Variants in DOCK10 observed in about 807,000 individuals in gnomAD.
DOCK10 encodes the protein dedicator of cytokinesis protein 10.
A neutral mutation model predicts 280.1 loss-of-function variants in DOCK10; 145 were observed. That is an observed-to-expected ratio of 0.52 (90% CI 0.45 to 0.59). The LOEUF (loss-of-function observed/expected upper bound fraction) is 0.59. DOCK10 is among the 20% of genes least tolerant of loss of function. DOCK10 has a pLI of 0.00. For synonymous variants in DOCK10, 915 were observed against 942.2 expected, an observed-to-expected ratio of 0.97 and a Z score of 0.53; for missense variants, 2,368 against 2,651.7, an observed-to-expected ratio of 0.89 and a Z score of 2.35.
At chr2:225,007,194 T>G (rs1391157096) in intron 1 of DOCK10, among the ~76,000 whole-genome samples, 2 of 152,190 alleles carry the variant, frequency 1.3e-5, no homozygotes, top group African/African-American at 2.4e-5. Flanking sequence ...ATAATCTTAT[T>G]TCCTTTTCCC....
chr2:224,976,573 T>C (rs1316627513), intron 1 of DOCK10, among the ~76,000 whole-genome samples: 1 of 150,922 alleles, frequency 6.6e-6, no homozygotes, highest in Admixed American at 6.6e-5. Context: ...TTCTCAATCA[T>C]AGTAGTTCTC....
intron 40 of DOCK10, 148 bp downstream of exon 40, chr2:224,801,767 TA>T (rs1457695868): frequency 1.3e-5 from 11 of 843,706 alleles, no homozygotes; most frequent in Non-Finnish European, 2.0e-5. Flanking sequence ...CATTTTTTTT[TA>T]ACCACTCCCT....
chr2:224,806,066 A>G (rs1693373617), intron 34 of DOCK10, 60 bp downstream of exon 34: 7 of 974,040 alleles, frequency 7.2e-6, no homozygotes, highest in East Asian at 2.5e-5. Flanking sequence ...AAGCACAATG[A>G]TATACAATGT....
At chr2:224,930,551 A>T (rs1282219942) in intron 2 of DOCK10, among the ~76,000 whole-genome samples, 2 of 148,722 alleles carry the variant, frequency 1.3e-5, no homozygotes, top group African/African-American at 4.9e-5. Flanking sequence ...CTTCTTTTTC[A>T]TGAATCCATG....
intron 1 of DOCK10, among the ~76,000 whole-genome samples, chr2:224,967,161 G>C (rs1052196428): frequency 4.0e-5 from 6 of 150,308 alleles, no homozygotes; most frequent in African/African-American, 1.2e-4. Flanking sequence ...CTCACTGCAA[G>C]CTCCACCTCC....
rs1559986857 is a variant in DOCK10 at position 225,035,574 on chromosome 2, AT to A, written c.123+6677del. ...TATATATATATATATATATATATAT[AT>A]ATATATATATATAACACTGAATCAG... On this transcript the variant is annotated intron_variant, in intron 1 of 55. Transcript: ENST00000258390. 4.7e-3 allele frequency among the ~76,000 whole-genome samples: 365 copies of A among 78,080 alleles called. 18 individuals are homozygous for A. Among genetic ancestry groups the A allele is most frequent in the African/African-American group, 0.021 (347 of 16,688 alleles). The allele number at this position is 78,080 out of a possible 152,430, so 51.2% of individuals were successfully genotyped here.
intron 3 of DOCK10, among the ~76,000 whole-genome samples, chr2:224,916,398 A>T (rs1701314826): frequency 6.6e-6 from 1 of 152,094 alleles, no homozygotes; most frequent in Non-Finnish European, 1.5e-5. Flanking sequence ...AAAATTAGCC[A>T]GGTGTGATGG....
At chr2:225,032,102 A>T (rs1690093968) in intron 1 of DOCK10, among the ~76,000 whole-genome samples, 1 of 152,180 alleles carries the variant, frequency 6.6e-6, no homozygotes, top group Non-Finnish European at 1.5e-5. Flanking sequence ...AGATGAAAAT[A>T]AGTTTTATTT....
chr2:224,888,561 G>A (rs1366688913), intron 4 of DOCK10, among the ~76,000 whole-genome samples: 1 of 148,952 alleles, frequency 6.7e-6, no homozygotes, highest in South Asian at 2.1e-4. Flanking sequence ...ATGTGTGTTT[G>A]TCTGTGTGTG....
At chr2:224,967,696 G>GATT (rs1354506279) in intron 1 of DOCK10, among the ~76,000 whole-genome samples, 1 of 151,534 alleles carries the variant, frequency 6.6e-6, no homozygotes, top group Admixed American at 6.6e-5. Context: ...TTCTCTTAAT[G>GATT]AGTCAGATGT....
chr2:224,999,830 T>C (rs1706379303), intron 1 of DOCK10, among the ~76,000 whole-genome samples: 1 of 151,694 alleles, frequency 6.6e-6, no homozygotes, highest in South Asian at 2.1e-4. Flanking sequence ...GTCTCCAACC[T>C]GAGAGTTGCA....
chr2:224,929,989 T>A lies in DOCK10; in HGVS notation c.243+1560A>T, dbSNP rs568824568. ...GCCGAGATGGGTGGATCACTTGAGG[T>A]CATGAGTTCAAGACCAGCATGGCCA... On this transcript the variant is annotated intron_variant, in intron 2 of 55. Transcript: ENST00000258390. Among the ~76,000 whole-genome samples the A allele has an allele frequency of 2.6e-4, 39 of 152,040 alleles. No individual in the cohort carries two copies. In the South Asian group the frequency reaches 5.6e-3, roughly 22 times the overall value.
intron 30 of DOCK10, among the ~76,000 whole-genome samples, chr2:224,814,776 C>A (rs1249213668): frequency 6.6e-6 from 1 of 152,176 alleles, no homozygotes; most frequent in Non-Finnish European, 1.5e-5. Flanking sequence ...CCTGCCTTGA[C>A]CTCCCAAAGT....
At chr2:224,910,397 A>G (rs775740549) in intron 3 of DOCK10, among the ~76,000 whole-genome samples, 4 of 152,206 alleles carry the variant, frequency 2.6e-5, no homozygotes, top group Non-Finnish European at 5.9e-5. Flanking sequence ...GCAATTTTAT[A>G]GCAAAACACC....
At chr2:224,804,070 C>G (rs1693208173) in intron 39 of DOCK10, 42 bp downstream of exon 39, 1 of 1,207,640 alleles carries the variant, frequency 8.3e-7, no homozygotes, top group Non-Finnish European at 1.2e-6. Flanking sequence ...CACACACACA[C>G]AGCTATATAT....
At chr2:224,772,066 G>A (rs541833122) in intron 53 of DOCK10, among the ~76,000 whole-genome samples, 29 of 152,028 alleles carry the variant, frequency 1.9e-4, no homozygotes, top group Admixed American at 1.4e-3. Flanking sequence ...GATTACAGGC[G>A]TGTGCCACCA....
At chr2:224,879,220 C>T (rs1252165279) in intron 7 of DOCK10, among the ~76,000 whole-genome samples, 1 of 152,152 alleles carries the variant, frequency 6.6e-6, no homozygotes, top group Non-Finnish European at 1.5e-5. Flanking sequence ...ATCTAGGCAG[C>T]TTCCTTCCGA....
At chr2:225,003,534 T>A (rs756319555) in intron 1 of DOCK10, among the ~76,000 whole-genome samples, 17 of 152,196 alleles carry the variant, frequency 1.1e-4, no homozygotes, top group Non-Finnish European at 1.5e-4. Flanking sequence ...CCTGACACTT[T>A]CCTGAGTGTG....
chr2:225,018,049 T>C (rs1166068446), intron 1 of DOCK10, among the ~76,000 whole-genome samples: 1 of 152,152 alleles, frequency 6.6e-6, no homozygotes, highest in African/African-American at 2.4e-5. Flanking sequence ...GTCCCACAAC[T>C]CCTGCTTGAC....
Sources: gnomAD v4.1 joint callset for allele counts (sites outside exome capture counted in the v4.1 genomes callset) on GRCh38, gnomAD v4.1.1 for gene constraint, MANE v1.5 for transcripts, NCBI Gene and HGNC (gene_info 2026-07-23, HGNC 2026-07-21) for gene names.